The following GRIK2 variants were observed in gnomAD, a reference collection of about 807,000 sequenced individuals.
GRIK2 encodes glutamate receptor ionotropic, kainate 2.
A neutral mutation model predicts 100.3 loss-of-function variants in GRIK2; 32 were observed. That is an observed-to-expected ratio of 0.32 (90% CI 0.24 to 0.43). The LOEUF is 0.43. Ranked by LOEUF, GRIK2 falls within the 20% of genes least tolerant of loss-of-function variation. The pLI, the probability that GRIK2 is intolerant of heterozygous loss-of-function variation, is 1.00. For synonymous variants in GRIK2, 417 were observed against 389.4 expected, an observed-to-expected ratio of 1.07 and a Z score of -0.83; for missense variants, 843 against 1,114.9, an observed-to-expected ratio of 0.76 and a Z score of 3.47.
chr6:101,583,090 T>C (rs978409032), intron 2 of GRIK2, among the ~76,000 whole-genome samples: 6 of 152,040 alleles, frequency 3.9e-5, no homozygotes, highest in Non-Finnish European at 8.8e-5. Flanking sequence ...AGAAAGGCCA[T>C]GAGGGAGCAG....
intron 10 of GRIK2, among the ~76,000 whole-genome samples, chr6:101,823,332 A>G (rs1481167859): frequency 6.6e-6 from 1 of 151,180 alleles, no homozygotes; most frequent in Non-Finnish European, 1.5e-5. Context: ...ATTTACATAG[A>G]GAGCATTAAA....
intron 11 of GRIK2, among the ~76,000 whole-genome samples, chr6:101,868,412 T>A (rs1785186482): frequency 6.6e-6 from 1 of 151,730 alleles, no homozygotes; most frequent in Admixed American, 6.6e-5. Flanking sequence ...TGTATGTAAT[T>A]TAAATAGTAA....
At chr6:101,686,976 C>T (rs1771746024) in intron 7 of GRIK2, among the ~76,000 whole-genome samples, 1 of 151,948 alleles carries the variant, frequency 6.6e-6, no homozygotes. Context: ...AATCTAATGG[C>T]AAGGCATACA....
chr6:101,766,786 T>C (rs1041836459), intron 7 of GRIK2, among the ~76,000 whole-genome samples: 2 of 152,184 alleles, frequency 1.3e-5, no homozygotes, highest in Non-Finnish European at 2.9e-5. Flanking sequence ...TTGCAGGAAA[T>C]AGACATGATG....
chr6:101,767,221 A>C (rs1038091369), intron 7 of GRIK2, among the ~76,000 whole-genome samples: 1 of 152,190 alleles, frequency 6.6e-6, no homozygotes, highest in African/African-American at 2.4e-5. Context: ...TTACATATCA[A>C]TCATGAGTAA....
intron 7 of GRIK2, among the ~76,000 whole-genome samples, chr6:101,700,609 A>G (rs1363077629): frequency 3.3e-5 from 5 of 152,136 alleles, no homozygotes; most frequent in African/African-American, 1.2e-4. Flanking sequence ...ATTATTTCTC[A>G]CTTACAGATG....
At chr6:101,478,971 G>C (rs2749066) in intron 2 of GRIK2, among the ~76,000 whole-genome samples, 63,594 of 151,948 alleles carry the variant, frequency 0.42, 13,934 homozygotes, top group Non-Finnish European at 0.48. Context: ...TCATGCTGAT[G>C]GTAGCTACAA....
In GRIK2 at chr6:101,818,387, A is replaced by C; in HGVS notation, c.1221A>C (p.Pro407=). Residue 407 remains proline, a synonymous_variant, in exon 10 of 17, where the codon CCA becomes CCC. Transcript: ENST00000369134. Reference sequence around the variant, plus strand: ...TTTTATAGATTGGAACGTGGGATCCAGCCAGTGGCCTGAATATGACAGAAA... The same window carrying C: ...TTTTATAGATTGGAACGTGGGATCCCGCCAGTGGCCTGAATATGACAGAAA... ...EGLEKIGTWD[P]ASGLNMTESQ... The C allele has an allele frequency of 6.2e-7, 1 of 1,602,884 alleles. No homozygotes were observed. The highest frequency in any genetic ancestry group is 1.1e-5 in the South Asian group (1 of 90,852).
intron 7 of GRIK2, among the ~76,000 whole-genome samples, chr6:101,788,976 T>A (rs1038527567): frequency 6.6e-6 from 1 of 151,662 alleles, no homozygotes; most frequent in African/African-American, 2.4e-5. Flanking sequence ...GATGAGCTTT[T>A]TTTCATGTGT....
intron 7 of GRIK2, among the ~76,000 whole-genome samples, 164 bp downstream of exon 7, chr6:101,686,517 T>A (rs927330771): frequency 2.0e-5 from 3 of 152,154 alleles, no homozygotes; most frequent in African/African-American, 7.2e-5. Context: ...ACAATTTTTT[T>A]AAATCAATTT....
intron 14 of GRIK2, among the ~76,000 whole-genome samples, chr6:101,966,184 A>T (rs984270747): frequency 2.0e-5 from 3 of 152,148 alleles, no homozygotes; most frequent in Non-Finnish European, 2.9e-5. Context: ...AAAGTTAATT[A>T]TTCTCCCCTA....
chr6:101,949,502 T>C (rs993549362), intron 14 of GRIK2, among the ~76,000 whole-genome samples: 5 of 152,108 alleles, frequency 3.3e-5, no homozygotes, highest in African/African-American at 1.2e-4. Flanking sequence ...AATGCTATCC[T>C]TCCCCTAGTC....
intron 2 of GRIK2, among the ~76,000 whole-genome samples, chr6:101,599,979 G>A (rs1478882159): frequency 2.0e-5 from 3 of 151,770 alleles, no homozygotes; most frequent in East Asian, 1.9e-4. Flanking sequence ...CTTTCTCAAG[G>A]CCAGTGTCCA....
At chr6:101,681,550 TG>T (rs1771257120) in intron 5 of GRIK2, among the ~76,000 whole-genome samples, 1 of 152,008 alleles carries the variant, frequency 6.6e-6, no homozygotes, top group African/African-American at 2.4e-5. Flanking sequence ...TTATCCTTTA[TG>T]TTACAAACAA....
At chr6:101,427,436 G>T (rs1253626676) in intron 2 of GRIK2, among the ~76,000 whole-genome samples, 2 of 152,112 alleles carry the variant, frequency 1.3e-5, no homozygotes, top group Non-Finnish European at 2.9e-5. Flanking sequence ...AGTTACATAT[G>T]GTTACCTAAG....
intron 7 of GRIK2, among the ~76,000 whole-genome samples, chr6:101,720,578 T>C (rs1414680389): frequency 6.6e-6 from 1 of 152,054 alleles, no homozygotes; most frequent in Non-Finnish European, 1.5e-5. Flanking sequence ...TTTGTCTTTA[T>C]TTACTAACAT....
chr6:101,874,321 C>G (rs1386867568), intron 11 of GRIK2, among the ~76,000 whole-genome samples: 1 of 152,070 alleles, frequency 6.6e-6, no homozygotes, highest in African/African-American at 2.4e-5. Flanking sequence ...ATATGGCTAG[C>G]CAGTTTTCCC....
At position 101,509,446 on chromosome 6, in the gene GRIK2, G is replaced by C. The variant is rs867493645; in HGVS notation, c.115+110054G>C. The stretch of plus-strand genomic sequence containing the variant: ...AACTATTAAAACCTGAAGGTCGAAA[G>C]TGTTTCAAGACAGCTCTCCAATTCA... On this transcript the variant is annotated intron_variant, in intron 2 of 16. Coordinates refer to ENST00000369134, the MANE Select transcript of GRIK2 (RefSeq NM_021956.5). Among the ~76,000 whole-genome samples, 4 of 152,304 alleles carry C rather than the reference G, an allele frequency of 2.6e-5. No individual in the cohort carries two copies. In the South Asian group the frequency reaches 8.3e-4, roughly 32 times the overall value.
intron 10 of GRIK2, among the ~76,000 whole-genome samples, chr6:101,838,648 A>G (rs1034814005): frequency 6.9e-6 from 1 of 145,924 alleles, no homozygotes; most frequent in Non-Finnish European, 1.5e-5. Flanking sequence ...CACTCTATTA[A>G]TACAACTTTT....
Sources: gnomAD v4.1 joint callset for allele counts (sites outside exome capture counted in the v4.1 genomes callset) on GRCh38, gnomAD v4.1.1 for gene constraint, MANE v1.5 for transcripts, NCBI Gene and HGNC (gene_info 2026-07-23, HGNC 2026-07-21) for gene names.